The following ZNF385B variants were observed in gnomAD, a reference collection of about 807,000 sequenced individuals.
The protein encoded by ZNF385B is zinc finger protein 533.
A neutral mutation model predicts 39.2 loss-of-function variants in ZNF385B; 23 were observed. The ratio of observed to expected loss-of-function variants is 0.59; its 90% CI spans 0.42 to 0.83. The LOEUF (loss-of-function observed/expected upper bound fraction) is 0.83, where lower values mean the gene tolerates loss of function less well. Among genes scored for constraint, ZNF385B ranks in the 40% least tolerant of loss-of-function variants. The pLI, the probability that ZNF385B is intolerant of heterozygous loss-of-function variation, is 0.00. For missense variants in ZNF385B, 552 were observed against 598.9 expected (o/e 0.92, Z 0.82); for synonymous variants, 205 against 222.6 (o/e 0.92, Z 0.70).
chr2:179,681,963 T>C (rs1697554106), intron 3 of ZNF385B, among the ~76,000 whole-genome samples: 1 of 152,224 alleles, frequency 6.6e-6, no homozygotes, highest in African/African-American at 2.4e-5. Context: ...TGTAGCATAA[T>C]TTATAATAGT....
At chr2:179,624,761 T>C (rs569732709) in intron 3 of ZNF385B, among the ~76,000 whole-genome samples, 188 of 152,300 alleles carry the variant, frequency 1.2e-3, no homozygotes, top group Non-Finnish European at 2.0e-3. Context: ...AACTTGCTAA[T>C]TTCTACCAAA....
chr2:179,813,648 A>T (rs1298044056), intron 1 of ZNF385B, among the ~76,000 whole-genome samples: 1 of 152,230 alleles, frequency 6.6e-6, no homozygotes, highest in Non-Finnish European at 1.5e-5. Context: ...AAATATGTTT[A>T]AAAAATTAGA....
intron 5 of ZNF385B, among the ~76,000 whole-genome samples, chr2:179,510,816 G>C (rs1177823815): frequency 6.6e-6 from 1 of 152,042 alleles, no homozygotes; most frequent in Non-Finnish European, 1.5e-5. Flanking sequence ...AGAGAAGAAA[G>C]GAAGAAGAAA....
intron 3 of ZNF385B, among the ~76,000 whole-genome samples, chr2:179,584,406 G>A (rs1686867886): frequency 6.6e-6 from 1 of 152,034 alleles, no homozygotes; most frequent in South Asian, 2.1e-4. Flanking sequence ...AAGAAAGACG[G>A]GCATCGAACA....
intron 1 of ZNF385B, among the ~76,000 whole-genome samples, chr2:179,840,270 C>T (rs1046105071): frequency 6.6e-6 from 1 of 152,184 alleles, no homozygotes; most frequent in East Asian, 1.9e-4. Context: ...CACAGTGAGG[C>T]CTTGCTGAGT....
intron 3 of ZNF385B, among the ~76,000 whole-genome samples, chr2:179,727,607 T>G (rs962409922): frequency 6.6e-6 from 1 of 152,088 alleles, no homozygotes; most frequent in Non-Finnish European, 1.5e-5. Context: ...CTTAGATATA[T>G]TTTTCTTGCT....
Position 179,809,762 on chromosome 2 carries a change from A to T in ZNF385B, c.-154-39090T>A, listed in dbSNP as rs1258364261. Among the ~76,000 whole-genome samples the T allele has an allele frequency of 4.6e-5, 7 of 152,230 alleles. No homozygotes were observed. The East Asian group carries it at 1.3e-3, about 29-fold the overall frequency. On this transcript the variant is annotated intron_variant, in intron 1 of 9. Transcript: ENST00000410066. ...CAAAAATGCTATAATACTTATGATGATTCACAATGAATCATGACCCTGAAT... is the reference window on the plus strand; with the variant it reads ...CAAAAATGCTATAATACTTATGATGTTTCACAATGAATCATGACCCTGAAT...
intron 4 of ZNF385B, among the ~76,000 whole-genome samples, chr2:179,519,763 T>C (rs977560467): frequency 1.3e-5 from 2 of 152,178 alleles, no homozygotes; most frequent in Admixed American, 6.5e-5. Context: ...ATTGATACCA[T>C]TGTCTAGGAA....
At chr2:179,805,936 T>C (rs1559211172) in intron 1 of ZNF385B, among the ~76,000 whole-genome samples, 1 of 152,212 alleles carries the variant, frequency 6.6e-6, no homozygotes, top group Non-Finnish European at 1.5e-5. Flanking sequence ...GAGAGAATTT[T>C]GCTTTTAAAA....
intron 1 of ZNF385B, among the ~76,000 whole-genome samples, chr2:179,856,615 C>CA (rs1684616922): frequency 1.0e-5 from 1 of 95,378 alleles, no homozygotes; most frequent in South Asian, 4.4e-4. Flanking sequence ...GAAACAGAGA[C>CA]AGCAGAGACA....
intron 3 of ZNF385B, among the ~76,000 whole-genome samples, chr2:179,621,633 C>T (rs898619605): frequency 2.0e-5 from 3 of 152,298 alleles, no homozygotes; most frequent in Middle Eastern, 3.4e-3. Flanking sequence ...TTCCCTTTCT[C>T]CCTACCTTCC....
At chr2:179,526,292 T>C (rs1178312523) in intron 4 of ZNF385B, among the ~76,000 whole-genome samples, 2 of 151,978 alleles carry the variant, frequency 1.3e-5, no homozygotes, top group East Asian at 3.9e-4. Context: ...GAAGGCTCAT[T>C]AAAAATACAC....
chr2:179,463,421 G>T lies in ZNF385B; in HGVS notation c.716-16651C>A, dbSNP rs541392767. ...CAGAACGTGCAGTTTTGTTACGTAG[G>T]TATACATGTGCCATGGTGGTTTGCT... is the stretch of plus-strand genomic sequence containing the variant. On this transcript the variant is annotated intron_variant, in intron 6 of 9. Transcript: ENST00000410066. Among the ~76,000 whole-genome samples the T allele has an allele frequency of 7.8e-4, 118 of 152,098 alleles. 1 individual carries two copies. The highest frequency in any genetic ancestry group is 2.6e-3 in the African/African-American group (106 of 41,464).
At chr2:179,460,703 G>A (rs2051236219) in intron 6 of ZNF385B, among the ~76,000 whole-genome samples, 1 of 152,136 alleles carries the variant, frequency 6.6e-6, no homozygotes, top group Non-Finnish European at 1.5e-5. Flanking sequence ...CATGACTCAT[G>A]ACTCAACCAG....
chr2:179,719,710 C>T (rs1029581519), intron 3 of ZNF385B, among the ~76,000 whole-genome samples: 2 of 152,302 alleles, frequency 1.3e-5, no homozygotes, highest in Non-Finnish European at 2.9e-5. Flanking sequence ...AATACATCTT[C>T]AATAGATGTT....
chr2:179,493,542 C>T (rs947874434), intron 5 of ZNF385B, among the ~76,000 whole-genome samples: 1 of 150,370 alleles, frequency 6.7e-6, no homozygotes, highest in Non-Finnish European at 1.5e-5. Flanking sequence ...TATGCGTATA[C>T]ATACGTGTAC....
At chr2:179,642,357 A>C (rs1473427273) in intron 3 of ZNF385B, among the ~76,000 whole-genome samples, 1 of 152,136 alleles carries the variant, frequency 6.6e-6, no homozygotes, top group Non-Finnish European at 1.5e-5. Context: ...ACATCCTCAA[A>C]CATGGAGAAC....
chr2:179,523,199 T>C (rs1448830561), intron 4 of ZNF385B, among the ~76,000 whole-genome samples: 1 of 152,170 alleles, frequency 6.6e-6, no homozygotes, highest in East Asian at 1.9e-4. Flanking sequence ...GGAGGCCATG[T>C]ACAGACAAAT....
intron 5 of ZNF385B, among the ~76,000 whole-genome samples, chr2:179,505,934 A>C (rs1251855188): frequency 1.3e-5 from 2 of 152,268 alleles, no homozygotes; most frequent in East Asian, 3.9e-4. Context: ...TATTGGTCTA[A>C]GTTTTAAATA....
Sources: gnomAD v4.1 joint callset for allele counts (sites outside exome capture counted in the v4.1 genomes callset) on GRCh38, gnomAD v4.1.1 for gene constraint, MANE v1.5 for transcripts, NCBI Gene and HGNC (gene_info 2026-07-23, HGNC 2026-07-21) for gene names.